Variants in VCAN observed in about 807,000 individuals in gnomAD.
VCAN encodes the protein versican.
VCAN carries 44 observed loss-of-function variants against 245.5 expected under a neutral mutation model. The observed-to-expected ratio is 0.18, with a 90% CI of 0.14 to 0.23. VCAN has a LOEUF of 0.23. Ranked by LOEUF, VCAN falls within the 10% of genes least tolerant of loss-of-function variation. The pLI is 1.00. For missense variants in VCAN, 3,793 were observed against 4,057.9 expected (o/e 0.93, Z 1.77); for synonymous variants, 1,413 against 1,437.0 (o/e 0.98, Z 0.38).
intron 9 of VCAN, among the ~76,000 whole-genome samples, chr5:83,546,782 A>G (rs1297936230): frequency 6.6e-6 from 1 of 152,206 alleles, no homozygotes; most frequent in Non-Finnish European, 1.5e-5. Context: ...ACTATATAAT[A>G]TCATGTTTAC....
At chr5:83,559,987 T>G (rs1270168799) in intron 12 of VCAN, among the ~76,000 whole-genome samples, 1 of 148,402 alleles carries the variant, frequency 6.7e-6, no homozygotes, top group African/African-American at 2.4e-5. Context: ...AATAGATGGG[T>G]TTTACGGTGA....
intron 6 of VCAN, among the ~76,000 whole-genome samples, chr5:83,518,351 A>G (rs1245227644): frequency 6.6e-6 from 1 of 152,208 alleles, no homozygotes; most frequent in Non-Finnish European, 1.5e-5. Flanking sequence ...TTCTTTCAAC[A>G]GGCCAGGCCA....
intron 12 of VCAN, among the ~76,000 whole-genome samples, chr5:83,570,036 GA>G (rs1339229093): frequency 1.3e-5 from 2 of 149,796 alleles, no homozygotes; most frequent in African/African-American, 4.9e-5. Context: ...AATGAGCAAA[GA>G]AAAAAAAAGG....
intron 10 of VCAN, among the ~76,000 whole-genome samples, chr5:83,552,046 A>G (rs1747490512): frequency 6.6e-6 from 1 of 152,140 alleles, no homozygotes; most frequent in Admixed American, 6.5e-5. Context: ...CAACTAAACA[A>G]CAGGCCTGAT....
At chr5:83,576,495 C>T (rs1270343663) in intron 13 of VCAN, among the ~76,000 whole-genome samples, 12 of 151,990 alleles carry the variant, frequency 7.9e-5, no homozygotes, top group African/African-American at 1.2e-4. Flanking sequence ...GAGTCATATT[C>T]GGTGTTTTTG....
In VCAN at chr5:83,538,823, A is replaced by C. The variant is rs1561255648; in HGVS notation, c.5820A>C (p.Glu1940Asp). The C allele has an allele frequency of 1.3e-5, 21 of 1,613,972 alleles. No homozygotes were observed. Among genetic ancestry groups the C allele is most frequent in the Non-Finnish European group, 1.8e-5 (21 of 1,179,954 alleles). The change falls in exon 8 of 15, where the codon GAA (glutamate) becomes GAC (aspartate). Residue 1940 changes from glutamate (E) to aspartate (D), a missense_variant. Glu to Asp is a conservative substitution (Grantham distance 45). Transcript: ENST00000265077. Reference sequence around the variant, plus strand: ...AAGATTTCAGTGGTGACTTTAGAGAATACTCAACAGTGTCTCATCCCATAG... The same window carrying C: ...AAGATTTCAGTGGTGACTTTAGAGACTACTCAACAGTGTCTCATCCCATAG... ...LEEDFSGDFREYSTVSHPIAK... is the reference protein window; with the variant it reads ...LEEDFSGDFRDYSTVSHPIAK...
intron 12 of VCAN, among the ~76,000 whole-genome samples, chr5:83,567,323 C>T (rs1030361008): frequency 1.3e-5 from 2 of 152,006 alleles, no homozygotes; most frequent in Admixed American, 6.6e-5. Context: ...TGTTTTGAGA[C>T]GGAGTCTCAC....
rs749460528 is a variant in VCAN at position 83,519,425 on chromosome 5, G to A, written c.1119G>A (p.Met373Ile). The change falls in exon 7 of 15, where the codon ATG (methionine) becomes ATA (isoleucine). Residue 373 changes from methionine (M) to isoleucine (I), a missense_variant. This residue lies in a region of VCAN where 3,182 missense variants were observed against 3,250.3 expected (regional missense o/e 0.98). Transcript: ENST00000265077. ...ASPSLSKEPQ[M>I]VSDRTTPIIP... The stretch of plus-strand genomic sequence containing the variant: ...CCAGTTTATCCAAAGAACCACAAAT[G>A]GTTTCTGATAGAACTACACCAATCA... 6.2e-7 allele frequency: 1 copy of A among 1,614,098 alleles called. No individual in the cohort carries two copies. The highest frequency in any genetic ancestry group is 2.2e-5 in the East Asian group (1 of 44,876).
intron 7 of VCAN, among the ~76,000 whole-genome samples, chr5:83,522,950 ACAGTTTATTG>A (rs922597888): frequency 6.6e-6 from 1 of 152,192 alleles, no homozygotes; most frequent in African/African-American, 2.4e-5. Flanking sequence ...AGGGAGTATT[ACAGTTTATTG>A]TATTAAATAT....
At chr5:83,524,450 G>T (rs1220450985) in intron 7 of VCAN, among the ~76,000 whole-genome samples, 1 of 152,088 alleles carries the variant, frequency 6.6e-6, no homozygotes, top group African/African-American at 2.4e-5. Flanking sequence ...ATGTGAGAGT[G>T]TGTATATGTG....
At chr5:83,522,636 C>G (rs1746150194) in intron 7 of VCAN, among the ~76,000 whole-genome samples, 1 of 152,202 alleles carries the variant, frequency 6.6e-6, no homozygotes, top group African/African-American at 2.4e-5. Flanking sequence ...CATTACTACT[C>G]AAGTGTAGCA....
intron 2 of VCAN, 112 bp downstream of exon 2, chr5:83,483,700 T>G: frequency 2.0e-6 from 2 of 1,024,734 alleles, no homozygotes; most frequent in Non-Finnish European, 3.0e-6. Flanking sequence ...TAAAATCTAT[T>G]AAGTGCTGAA....
At chr5:83,481,268 G>A (rs1458758260) in intron 1 of VCAN, among the ~76,000 whole-genome samples, 1 of 142,264 alleles carries the variant, frequency 7.0e-6, no homozygotes, top group African/African-American at 2.6e-5. Context: ...TTTTTGAGAC[G>A]GAGTCTCGCT....
chr5:83,540,148 C>CTT lies in VCAN; in HGVS notation c.7146_7147insTT (p.Asn2383LeufsTer106). On this transcript the variant is annotated frameshift_variant, in exon 8 of 15. Transcript: ENST00000265077. LOFTEE classifies it high-confidence loss of function. ...CCACAAACCATAACTGAACAAGACTCTAACAAGAATTCTTCAACAGCAGAA... is the reference window on the plus strand; with the variant it reads ...CCACAAACCATAACTGAACAAGACTCTTTAACAAGAATTCTTCAACAGCAGAA... 1 of 1,613,984 alleles carries CTT rather than the reference C, an allele frequency of 6.2e-7. No individual in the cohort carries two copies. The highest frequency in any genetic ancestry group is 8.5e-7 in the Non-Finnish European group (1 of 1,179,990).
chr5:83,479,665 G>C (rs1338280333), intron 1 of VCAN, among the ~76,000 whole-genome samples: 2 of 152,126 alleles, frequency 1.3e-5, no homozygotes, highest in East Asian at 1.9e-4. Context: ...TAAAAACAAA[G>C]AAAGAGGCTT....
rs565761689 is a variant in VCAN, at chr5:83,547,996, C to T, written c.9405C>T (p.Pro3135=). 3.7e-6 allele frequency: 6 copies of T among 1,613,942 alleles called. No homozygotes were observed. In the African/African-American group the frequency reaches 8.0e-5, roughly 22 times the overall value. Residue 3135 remains proline, a synonymous_variant, in exon 10 of 15, where the codon CCC becomes CCT. Coordinates refer to ENST00000265077, the MANE Select transcript of VCAN (RefSeq NM_004385.5). The stretch of plus-strand genomic sequence containing the variant: ...ATTTTGATGAATGTCACTCTAATCC[C>T]TGTCGTAATGGAGCCACTTGTGTTG... ...ELDFDECHSN[P]CRNGATCVDG...
intron 1 of VCAN, among the ~76,000 whole-genome samples, chr5:83,474,088 C>T (rs1744295923): frequency 6.6e-6 from 1 of 152,118 alleles, no homozygotes; most frequent in African/African-American, 2.4e-5. Context: ...TCTCAAAACC[C>T]ATGACCACTT....
At chr5:83,507,003 G>T (rs1015090346) in intron 5 of VCAN, among the ~76,000 whole-genome samples, 3 of 152,130 alleles carry the variant, frequency 2.0e-5, no homozygotes, top group East Asian at 3.9e-4. Flanking sequence ...CACAACACAT[G>T]GGAATTTTGG....
chr5:83,532,152 G>A (rs538664401), intron 7 of VCAN, among the ~76,000 whole-genome samples: 12 of 152,142 alleles, frequency 7.9e-5, no homozygotes, highest in African/African-American at 2.9e-4. Context: ...AGTAGCACAG[G>A]TGTACCCCCC....
Sources: allele counts gnomAD v4.1 joint callset (sites outside exome capture counted in the v4.1 genomes callset), GRCh38; gene constraint gnomAD v4.1.1; regional missense constraint gnomAD v4.1.1; transcripts MANE v1.5; gene names NCBI Gene and HGNC (gene_info 2026-07-23, HGNC 2026-07-21).